The following NCALD variants were observed in gnomAD, a reference collection of about 807,000 sequenced individuals.
NCALD encodes the protein neurocalcin-delta.
A neutral mutation model predicts 18.6 loss-of-function variants in NCALD; 10 were observed. The observed-to-expected ratio is 0.54, with a 90% CI of 0.33 to 0.91. NCALD has a LOEUF of 0.91. NCALD is among the 40% of genes least tolerant of loss of function. NCALD has a pLI of 0.03. For synonymous variants in NCALD, 88 were observed against 87.4 expected (o/e 1.01, Z -0.04); for missense variants, 184 against 247.6 (o/e 0.74, Z 1.72).
chr8:101,885,616 C>T (rs376516645), intron 4 of NCALD, among the ~76,000 whole-genome samples: 3 of 152,296 alleles, frequency 2.0e-5, no homozygotes, highest in Admixed American at 2.0e-4. Context: ...CATGAACTCT[C>T]GCAGTCTCCC....
chr8:101,991,849 G>A (rs1330169039), intron 2 of NCALD, among the ~76,000 whole-genome samples: 9 of 152,114 alleles, frequency 5.9e-5, no homozygotes, highest in African/African-American at 2.2e-4. Flanking sequence ...TGACCACCAC[G>A]CAGAGCAAAA....
At chr8:101,729,125 A>C (rs1816701453) in intron 1 of NCALD, among the ~76,000 whole-genome samples, 1 of 152,222 alleles carries the variant, frequency 6.6e-6, no homozygotes, top group Non-Finnish European at 1.5e-5. Flanking sequence ...ATTTTCACTA[A>C]GGAAAAATAA....
At chr8:102,049,688 T>A (rs1823363901) in intron 1 of NCALD, among the ~76,000 whole-genome samples, 1 of 152,180 alleles carries the variant, frequency 6.6e-6, no homozygotes, top group Non-Finnish European at 1.5e-5. Flanking sequence ...TTGTTCCACA[T>A]CCTCACCAGC....
At chr8:102,110,444 A>G (rs755146266) in intron 1 of NCALD, among the ~76,000 whole-genome samples, 7 of 152,210 alleles carry the variant, frequency 4.6e-5, no homozygotes, top group Non-Finnish European at 1.0e-4. Flanking sequence ...ATTATTAGAA[A>G]GCACTCCACT....
At chr8:101,919,869 A>G (rs1818102312) in intron 2 of NCALD, among the ~76,000 whole-genome samples, 2 of 152,204 alleles carry the variant, frequency 1.3e-5, no homozygotes, top group Non-Finnish European at 2.9e-5. Context: ...TATTATTAAG[A>G]AGTCAAAAAA....
chr8:101,697,449 G>A (rs1815052680), intron 2 of NCALD, among the ~76,000 whole-genome samples: 1 of 152,080 alleles, frequency 6.6e-6, no homozygotes, highest in Non-Finnish European at 1.5e-5. Flanking sequence ...ATTTTATGAG[G>A]CTAGTATCAT....
intron 4 of NCALD, among the ~76,000 whole-genome samples, chr8:101,862,613 A>G (rs974859843): frequency 6.6e-6 from 1 of 152,364 alleles, no homozygotes; most frequent in South Asian, 2.1e-4. Context: ...AAAATTTTCA[A>G]AAATGACAAA....
intron 1 of NCALD, among the ~76,000 whole-genome samples, chr8:101,776,012 C>T (rs892002520): frequency 3.3e-5 from 5 of 152,174 alleles, no homozygotes; most frequent in South Asian, 4.1e-4. Context: ...GTGATGGGTA[C>T]GCCCTTGGAG....
intron 4 of NCALD, among the ~76,000 whole-genome samples, chr8:101,867,371 C>T (rs1182655011): frequency 2.0e-5 from 3 of 152,232 alleles, no homozygotes; most frequent in Non-Finnish European, 4.4e-5. Context: ...CTCTTATTCA[C>T]CGCTTTCCCC....
intron 2 of NCALD, among the ~76,000 whole-genome samples, chr8:102,016,861 A>G (rs899659758): frequency 2.6e-5 from 4 of 152,362 alleles, no homozygotes; most frequent in African/African-American, 9.6e-5. Flanking sequence ...CATTGTCAAA[A>G]TAAAGCAATC....
chr8:101,729,929 C>A (rs1395841941), intron 1 of NCALD, among the ~76,000 whole-genome samples: 2 of 152,128 alleles, frequency 1.3e-5, no homozygotes, highest in Non-Finnish European at 2.9e-5. Context: ...CCCCCTCCTC[C>A]AAATATGGAA....
chr8:102,021,040 A>G (rs972077212), intron 1 of NCALD, among the ~76,000 whole-genome samples: 3 of 152,192 alleles, frequency 2.0e-5, no homozygotes, highest in African/African-American at 7.2e-5. Flanking sequence ...ACACTTGACC[A>G]TCTTAAGCTC....
At chr8:101,722,381 C>T (rs1293559757) in intron 1 of NCALD, among the ~76,000 whole-genome samples, 2 of 152,176 alleles carry the variant, frequency 1.3e-5, no homozygotes, top group East Asian at 1.9e-4. Flanking sequence ...CAGAAACATC[C>T]GGTAATACAT....
chr8:101,831,868 T>A (rs545687243), intron 4 of NCALD, among the ~76,000 whole-genome samples: 2 of 152,332 alleles, frequency 1.3e-5, no homozygotes, highest in Middle Eastern at 3.4e-3. Flanking sequence ...AAATTCCCGA[T>A]GCCCCCAGAG....
At chr8:101,709,627 A>T (rs576335857) in intron 2 of NCALD, among the ~76,000 whole-genome samples, 2 of 152,336 alleles carry the variant, frequency 1.3e-5, no homozygotes, top group African/African-American at 4.8e-5. Context: ...CCACCCCTCA[A>T]GATGCCAGAA....
intron 2 of NCALD, among the ~76,000 whole-genome samples, chr8:101,974,282 A>G (rs1820343121): frequency 6.6e-6 from 1 of 152,214 alleles, no homozygotes; most frequent in Non-Finnish European, 1.5e-5. Context: ...CATATTTGGA[A>G]GACTTTTTAA....
At chr8:102,055,840 T>C (rs1367101785) in intron 1 of NCALD, among the ~76,000 whole-genome samples, 1 of 152,190 alleles carries the variant, frequency 6.6e-6, no homozygotes, top group Non-Finnish European at 1.5e-5. Flanking sequence ...TATTTCCTAG[T>C]GGGTCTTGAT....
At chr8:102,023,037 C>A (rs1822329825) in intron 1 of NCALD, among the ~76,000 whole-genome samples, 1 of 152,192 alleles carries the variant, frequency 6.6e-6, no homozygotes, top group African/African-American at 2.4e-5. Flanking sequence ...TCATGGGGTG[C>A]TTGGTCCTAG....
intron 3 of NCALD, chr8:101,690,558 C>G: frequency 3.0e-6 from 3 of 985,410 alleles, no homozygotes; most frequent in Non-Finnish European, 3.6e-6. Context: ...TACTCCAAAC[C>G]TGACAGGAGG....
Sources: gnomAD v4.1 joint callset for allele counts (sites outside exome capture counted in the v4.1 genomes callset) on GRCh38, gnomAD v4.1.1 for gene constraint, MANE v1.5 for transcripts, NCBI Gene and HGNC (gene_info 2026-07-23, HGNC 2026-07-21) for gene names.